JARID2: variants seen among roughly 807,000 people sequenced by gnomAD.
JARID2 encodes protein Jumonji.
JARID2 carries 21 observed loss-of-function variants against 125.6 expected under a neutral mutation model. The observed-to-expected ratio is 0.17, with a 90% confidence interval of 0.12 to 0.24. The LOEUF (loss-of-function observed/expected upper bound fraction) is 0.24. Among genes scored for constraint, JARID2 ranks in the 10% least tolerant of loss-of-function variants. The pLI, the probability that JARID2 is intolerant of heterozygous loss-of-function variation, is 1.00. For synonymous variants in JARID2, 736 were observed against 661.6 expected, an observed-to-expected ratio of 1.11 and a Z score of -1.73; for missense variants, 1,303 against 1,639.6, an observed-to-expected ratio of 0.79 and a Z score of 3.55.
intron 1 of JARID2, among the ~76,000 whole-genome samples, chr6:15,273,641 C>T (rs935786963): frequency 1.4e-4 from 22 of 152,176 alleles, no homozygotes; most frequent in Non-Finnish European, 2.5e-4. Flanking sequence ...TTGTGGGTTG[C>T]GGAGAGCCAA....
intron 17 of JARID2, among the ~76,000 whole-genome samples, chr6:15,518,764 G>A (rs1771688209): frequency 2.0e-5 from 3 of 152,200 alleles, no homozygotes; most frequent in Admixed American, 1.3e-4. Flanking sequence ...TTACAGGCGT[G>A]AGCCACCACA....
chr6:15,433,471 T>C (rs1767059666), intron 3 of JARID2, among the ~76,000 whole-genome samples: 1 of 150,010 alleles, frequency 6.7e-6, no homozygotes, highest in Non-Finnish European at 1.5e-5. Context: ...GTTTAGGCAG[T>C]CGCTTAGGTG....
At chr6:15,306,326 T>G (rs1405975261) in intron 1 of JARID2, among the ~76,000 whole-genome samples, 1 of 140,098 alleles carries the variant, frequency 7.1e-6, no homozygotes, top group Non-Finnish European at 1.5e-5. Flanking sequence ...ATAGTCATAT[T>G]TCTTTTTTTT....
chr6:15,278,866 C>A (rs766188153), intron 1 of JARID2, among the ~76,000 whole-genome samples: 2 of 152,080 alleles, frequency 1.3e-5, no homozygotes, highest in Non-Finnish European at 2.9e-5. Context: ...GTCAGGCGTT[C>A]GAGATTAGCC....
intron 3 of JARID2, among the ~76,000 whole-genome samples, chr6:15,433,314 A>G (rs957949091): frequency 1.3e-5 from 2 of 152,112 alleles, no homozygotes; most frequent in African/African-American, 4.8e-5. Flanking sequence ...GCAGAGAAAG[A>G]AAAGTAATAA....
At chr6:15,373,255 C>G (rs1053975741) in intron 1 of JARID2, among the ~76,000 whole-genome samples, 2 of 152,178 alleles carry the variant, frequency 1.3e-5, no homozygotes, top group Non-Finnish European at 2.9e-5. Context: ...ACCTCTTGCT[C>G]TGTCTCAAGT....
chr6:15,365,242 A>G (rs1362396450), intron 1 of JARID2, among the ~76,000 whole-genome samples: 1 of 152,224 alleles, frequency 6.6e-6, no homozygotes, highest in African/African-American at 2.4e-5. Flanking sequence ...CCATCAGTGA[A>G]GGTACATTGA....
At chr6:15,480,739 G>A (rs1466640902) in intron 5 of JARID2, among the ~76,000 whole-genome samples, 1 of 152,188 alleles carries the variant, frequency 6.6e-6, no homozygotes, top group Non-Finnish European at 1.5e-5. Context: ...CCTGGAGGGC[G>A]GATAAGAGGA....
intron 2 of JARID2, among the ~76,000 whole-genome samples, chr6:15,375,154 G>A (rs892267575): frequency 1.3e-5 from 2 of 152,150 alleles, no homozygotes. Flanking sequence ...TTAGTTGTAT[G>A]GTGAGTTGTC....
Position 15,293,367 on chromosome 6 carries a change from A to G in JARID2, c.45+46783A>G, listed in dbSNP as rs534310059. Among the ~76,000 whole-genome samples the G allele has an allele frequency of 1.8e-3, 269 of 152,280 alleles. 1 individual carries two copies. The highest frequency in any genetic ancestry group is 6.1e-3 in the African/African-American group (254 of 41,558). ...GAAGTGGAGCTTGCGGTGAGCTGAG[A>G]TGGTGCCACTGCCCTCCAGCCTGGG... is the stretch of plus-strand genomic sequence containing the variant. On this transcript the variant is annotated intron_variant, in intron 1 of 17. Coordinates refer to ENST00000341776, the MANE Select transcript of JARID2 (RefSeq NM_004973.4).
Position 15,440,012 on chromosome 6 carries a change from A to G in JARID2, c.324-11994A>G, listed in dbSNP as rs188739716. Among the ~76,000 whole-genome samples, 361 of 152,360 alleles carry G rather than the reference A, an allele frequency of 2.4e-3. 1 individual carries two copies. The highest frequency in any genetic ancestry group is 7.8e-3 in the African/African-American group (326 of 41,576). ...TGTTGGTTCCGTGCCTGAAACACAG[A>G]TAACATACTTGACATCAAGACCCCT... On this transcript the variant is annotated intron_variant, in intron 3 of 17. Transcript: ENST00000341776.
chr6:15,452,248 C>G, intron 4 of JARID2, 73 bp downstream of exon 4: 2 of 1,555,418 alleles, frequency 1.3e-6, no homozygotes, highest in South Asian at 1.2e-5. Flanking sequence ...GTGGAGTAAC[C>G]TTAGCTTTAC....
chr6:15,454,715 A>G (rs1008685600), intron 4 of JARID2, among the ~76,000 whole-genome samples: 1 of 151,164 alleles, frequency 6.6e-6, no homozygotes, highest in African/African-American at 2.4e-5. Flanking sequence ...TCCTGGGCTC[A>G]TGCAATTCTC....
intron 1 of JARID2, among the ~76,000 whole-genome samples, chr6:15,297,054 T>C (rs1761440966): frequency 6.6e-6 from 1 of 152,262 alleles, no homozygotes; most frequent in Non-Finnish European, 1.5e-5. Context: ...GTCCTTGTCA[T>C]CTAAAACATC....
Position 15,452,121 on chromosome 6 carries a change from C to T in JARID2, c.439C>T (p.Leu147Phe), listed in dbSNP as rs201685658. 3.0e-5 allele frequency: 49 copies of T among 1,614,080 alleles called. No homozygotes were observed. The highest frequency in any genetic ancestry group is 3.8e-5 in the Non-Finnish European group (45 of 1,180,016). The change falls in exon 4 of 18, where the codon CTC becomes TTC. Residue 147 changes from leucine (L) to phenylalanine (F), a missense_variant. Transcript: ENST00000341776. ...CCCTCCAGCTACTCAGATATCAGACCTCTCTAAAAGGAAGCCTAAGACAGA... is the reference window on the plus strand; with the variant it reads ...CCCTCCAGCTACTCAGATATCAGACTTCTCTAAAAGGAAGCCTAAGACAGA... ...LPPPATQISD[L>F]SKRKPKTEDF...
At chr6:15,455,187 T>G (rs1467498448) in intron 4 of JARID2, among the ~76,000 whole-genome samples, 3 of 120,182 alleles carry the variant, frequency 2.5e-5, no homozygotes, top group Non-Finnish European at 5.5e-5. Flanking sequence ...AGTGGCACTT[T>G]GTCTCAAAAA....
chr6:15,270,915 T>G (rs1760272845), intron 1 of JARID2, among the ~76,000 whole-genome samples: 1 of 151,506 alleles, frequency 6.6e-6, no homozygotes, highest in Non-Finnish European at 1.5e-5. Flanking sequence ...CACTCCAGCC[T>G]GGGCAACAGA....
intron 7 of JARID2, among the ~76,000 whole-genome samples, chr6:15,499,554 C>T (rs910068416): frequency 8.5e-5 from 13 of 152,204 alleles, no homozygotes; most frequent in South Asian, 4.1e-4. Context: ...TTGGGGGACT[C>T]GTTTTGGTGC....
intron 3 of JARID2, among the ~76,000 whole-genome samples, chr6:15,436,539 A>G (rs1767211928): frequency 6.6e-6 from 1 of 152,106 alleles, no homozygotes; most frequent in Non-Finnish European, 1.5e-5. Flanking sequence ...GTCTTGGAAA[A>G]TGCAACATTT....
Sources: gnomAD v4.1 joint callset for allele counts (sites outside exome capture counted in the v4.1 genomes callset) on GRCh38, gnomAD v4.1.1 for gene constraint, MANE v1.5 for transcripts, NCBI Gene and HGNC (gene_info 2026-07-23, HGNC 2026-07-21) for gene names.